Variants in ADAMTS16 observed in about 807,000 individuals in gnomAD.
The protein encoded by ADAMTS16 is ADAM metallopeptidase with thrombospondin type 1 motif 16.
A neutral mutation model predicts 145.8 loss-of-function variants in ADAMTS16; 94 were observed. The ratio of observed to expected loss-of-function variants is 0.64; its 90% CI spans 0.55 to 0.77. The LOEUF is 0.77. Ranked by LOEUF, ADAMTS16 falls within the 30% of genes least tolerant of loss-of-function variation. ADAMTS16 has a pLI of 0.00. For synonymous variants in ADAMTS16, 659 were observed against 604.3 expected (o/e 1.09, Z -1.33); for missense variants, 1,585 against 1,591.5 (o/e 1.00, Z 0.07).
At chr5:5,287,628 G>C (rs529402888) in intron 18 of ADAMTS16, among the ~76,000 whole-genome samples, 1 of 152,326 alleles carries the variant, frequency 6.6e-6, no homozygotes, top group Admixed American at 6.5e-5. Context: ...CTGCCTGAGA[G>C]TAAAGAATGT....
chr5:5,288,467 T>A (rs1739182896), intron 18 of ADAMTS16, among the ~76,000 whole-genome samples: 1 of 152,166 alleles, frequency 6.6e-6, no homozygotes, highest in Admixed American at 6.5e-5. Flanking sequence ...GGGAAACCTG[T>A]TTGGAACGAC....
chr5:5,181,645 T>G (rs1735341859), intron 3 of ADAMTS16, among the ~76,000 whole-genome samples: 1 of 152,224 alleles, frequency 6.6e-6, no homozygotes, highest in Non-Finnish European at 1.5e-5. Flanking sequence ...GGATTCTAAT[T>G]TTGATCACTT....
intron 21 of ADAMTS16, among the ~76,000 whole-genome samples, chr5:5,307,342 G>A (rs1740219278): frequency 6.6e-6 from 1 of 152,220 alleles, no homozygotes; most frequent in South Asian, 2.1e-4. Context: ...GCTTGTGGCT[G>A]CCCGGTAGAG....
chr5:5,254,398 A>T (rs574803509), intron 17 of ADAMTS16, among the ~76,000 whole-genome samples: 56 of 152,060 alleles, frequency 3.7e-4, no homozygotes, highest in African/African-American at 1.1e-3. Flanking sequence ...ACTTATAATA[A>T]TTTTTTTTAT....
chr5:5,148,216 T>A (rs1388443950), intron 3 of ADAMTS16, among the ~76,000 whole-genome samples: 1 of 152,232 alleles, frequency 6.6e-6, no homozygotes, highest in Non-Finnish European at 1.5e-5. Flanking sequence ...TGATATTTTG[T>A]CCATAGATGG....
At chr5:5,142,240 A>G (rs270195) in intron 2 of ADAMTS16, 68,167 of 152,050 alleles carry the variant, frequency 0.45, 15,778 homozygotes, top group Admixed American at 0.57. Context: ...CTTTTCTCCT[A>G]AAGTGATTCA....
At chr5:5,241,058 G>A (rs533070459) in intron 16 of ADAMTS16, among the ~76,000 whole-genome samples, 38 of 152,142 alleles carry the variant, frequency 2.5e-4, no homozygotes, top group Non-Finnish European at 4.3e-4. Flanking sequence ...GCAACCCCCT[G>A]TCCTGGGCTT....
At chr5:5,314,865 C>T (rs1307810702) in intron 21 of ADAMTS16, among the ~76,000 whole-genome samples, 2 of 152,174 alleles carry the variant, frequency 1.3e-5, no homozygotes, top group South Asian at 2.1e-4. Context: ...GGCCAAGAAC[C>T]TCACTGTGAG....
In ADAMTS16 at chr5:5,269,663, A is replaced by AT. The variant is rs1490207721; in HGVS notation, c.2789+6886dup. Among the ~76,000 whole-genome samples the AT allele has an allele frequency of 6.6e-6, 1 of 151,784 alleles. No homozygotes were observed. The highest frequency in any genetic ancestry group is 1.5e-5 in the Non-Finnish European group (1 of 67,976). On this transcript the variant is annotated intron_variant, in intron 18 of 22. Coordinates refer to ENST00000274181, the MANE Select transcript of ADAMTS16 (RefSeq NM_139056.4). This position sits in a 1 kb window ranked among gnomAD's most constrained non-coding sequence, Gnocchi z 4.3. ...TCTAGAGGAGCCTTTGGAAGTTACT[A>AT]TTTTTTCCATATAAGTGACCCATTT...
chr5:5,272,985 A>C (rs1738540132), intron 18 of ADAMTS16, among the ~76,000 whole-genome samples: 1 of 152,298 alleles, frequency 6.6e-6, no homozygotes, highest in Middle Eastern at 3.4e-3. Context: ...AGGGGGAAGA[A>C]GTAACCATGA....
chr5:5,192,272 C>G (rs189678144), intron 8 of ADAMTS16, among the ~76,000 whole-genome samples: 2 of 152,272 alleles, frequency 1.3e-5, no homozygotes, highest in Non-Finnish European at 2.9e-5. Context: ...CTGTACACAC[C>G]TGTGCCTAAG....
chr5:5,147,958 C>T lies in ADAMTS16; in HGVS notation c.501+1503C>T, dbSNP rs1378253360. Among the ~76,000 whole-genome samples the T allele has an allele frequency of 2.6e-5, 4 of 152,198 alleles. No homozygotes were observed. The East Asian group carries it at 7.7e-4, about 29-fold the overall frequency. ...GGGAGGCTGAGCTGTGCCCTGGAAT[C>T]TGTTCCCTGAATCGAGGTGGTTTGC... On this transcript the variant is annotated intron_variant, in intron 3 of 22. Transcript: ENST00000274181.
chr5:5,145,192 GA>G (rs1489948608), intron 2 of ADAMTS16, among the ~76,000 whole-genome samples: 1 of 151,942 alleles, frequency 6.6e-6, no homozygotes, highest in Non-Finnish European at 1.5e-5. Context: ...CCCATTTATG[GA>G]AAAAATACTG....
intron 18 of ADAMTS16, among the ~76,000 whole-genome samples, chr5:5,282,266 T>G (rs988449056): frequency 6.6e-6 from 1 of 152,184 alleles, no homozygotes; most frequent in Non-Finnish European, 1.5e-5. Context: ...ACATGACACA[T>G]TTAGAAAGTT....
intron 12 of ADAMTS16, 145 bp from the exon 13 acceptor site, chr5:5,234,869 C>CAGAAAA (rs539592178): frequency 3.2e-4 from 18 of 56,484 alleles, no homozygotes; most frequent in Admixed American, 1.0e-3. Flanking sequence ...GACTCCATCT[C>CAGAAAA]AAAAAAAAAA....
At chr5:5,151,608 C>T (rs533729041) in intron 3 of ADAMTS16, among the ~76,000 whole-genome samples, 344 of 150,062 alleles carry the variant, frequency 2.3e-3, no homozygotes, top group African/African-American at 7.0e-3. Context: ...CACACACACA[C>T]GCACACACAC....
chr5:5,194,672 A>G (rs1236226965), intron 8 of ADAMTS16, among the ~76,000 whole-genome samples: 2 of 152,226 alleles, frequency 1.3e-5, no homozygotes, highest in Non-Finnish European at 2.9e-5. Context: ...ACTGAAGACA[A>G]ACACATTTGT....
chr5:5,302,280 G>A (rs1481936103), intron 18 of ADAMTS16, among the ~76,000 whole-genome samples: 1 of 152,194 alleles, frequency 6.6e-6, no homozygotes, highest in Admixed American at 6.5e-5. Context: ...CGTTGATGGG[G>A]TCTACTTTAA....
intron 17 of ADAMTS16, among the ~76,000 whole-genome samples, chr5:5,249,601 G>A (rs1737559825): frequency 6.6e-6 from 1 of 152,058 alleles, no homozygotes; most frequent in Non-Finnish European, 1.5e-5. Context: ...CCCTGCAGTA[G>A]CATCCAAGTG....
Sources: gnomAD v4.1 joint callset for allele counts (sites outside exome capture counted in the v4.1 genomes callset) on GRCh38, gnomAD v4.1.1 for gene constraint, Gnocchi (gnomAD v3.1) non-coding constraint, MANE v1.5 for transcripts, NCBI Gene and HGNC (gene_info 2026-07-23, HGNC 2026-07-21) for gene names.